SLC7A14: variants seen among roughly 807,000 people sequenced by gnomAD.
SLC7A14 encodes gamma-aminobutyric acid transporter SLC7A14.
Under a neutral mutation model 60.2 loss-of-function variants are expected in SLC7A14, and 37 were observed. That is an observed-to-expected ratio of 0.61 (90% CI 0.47 to 0.81). The LOEUF (loss-of-function observed/expected upper bound fraction) is 0.81, where lower values mean the gene tolerates loss of function less well. Ranked by LOEUF, SLC7A14 falls within the 30% of genes least tolerant of loss-of-function variation. The pLI is 0.00. For synonymous variants in SLC7A14, 399 were observed against 395.8 expected, an observed-to-expected ratio of 1.01 and a Z score of -0.10; for missense variants, 886 against 982.7, an observed-to-expected ratio of 0.90 and a Z score of 1.32.
Position 170,498,749 on chromosome 3 carries a change from A to G in SLC7A14, c.677T>C (p.Val226Ala). The change falls in exon 4 of 8, where the codon GTG becomes GCG. Residue 226 changes from valine to alanine, a missense_variant. Transcript: ENST00000231706. Reference protein sequence around the residue: ...VLNVLNLAVWVFIMIAGLFFI... With the variant: ...VLNVLNLAVWAFIMIAGLFFI... ...GAAGAGGCCTGCGATCATGATGAAC[A>G]CCCATACTGCCAGGTTCAGCACATT... is the stretch of plus-strand genomic sequence containing the variant. The G allele has an allele frequency of 6.2e-7, 1 of 1,614,070 alleles. No individual in the cohort carries two copies. Among genetic ancestry groups the G allele is most frequent in the Non-Finnish European group, 8.5e-7 (1 of 1,180,016 alleles).
intron 1 of SLC7A14, among the ~76,000 whole-genome samples, chr3:170,573,507 A>G (rs1266714723): frequency 6.6e-6 from 1 of 152,222 alleles, no homozygotes; most frequent in East Asian, 1.9e-4. Context: ...TAGGCCCAGG[A>G]GTTCAAAGAT....
chr3:170,560,751 G>A (rs1339944832), intron 1 of SLC7A14, among the ~76,000 whole-genome samples: 1 of 152,160 alleles, frequency 6.6e-6, no homozygotes, highest in Non-Finnish European at 1.5e-5. Flanking sequence ...AAAATCCTGA[G>A]CATAGTTGGA....
rs1353639381 is a variant in SLC7A14 at position 170,572,646 on chromosome 3, C to T, written c.-153+13265G>A. Among the ~76,000 whole-genome samples, 11 of 152,132 alleles carry T rather than the reference C, an allele frequency of 7.2e-5. 1 individual carries two copies. Among genetic ancestry groups the T allele is most frequent in the Admixed American group, 7.2e-4 (11 of 15,272 alleles). On this transcript the variant is annotated intron_variant, in intron 1 of 7. Coordinates refer to ENST00000231706, the MANE Select transcript of SLC7A14 (RefSeq NM_020949.3). The stretch of plus-strand genomic sequence containing the variant: ...TAGACTTGGGGGCAGAAAGGAAGAA[C>T]AGAGGCTATTCACTAAGAGTATTGA...
chr3:170,569,055 G>A (rs1407083832), intron 1 of SLC7A14, among the ~76,000 whole-genome samples: 1 of 152,060 alleles, frequency 6.6e-6, no homozygotes, highest in Non-Finnish European at 1.5e-5. Flanking sequence ...ATGTTGAATA[G>A]GAGTGGTGAG....
rs1360951317 is a variant in SLC7A14, at chr3:170,535,880, A to G, written c.-152-8792T>C. Among the ~76,000 whole-genome samples the G allele has an allele frequency of 6.6e-6, 1 of 152,146 alleles. No individual in the cohort carries two copies. The highest frequency in any genetic ancestry group is 1.5e-5 in the Non-Finnish European group (1 of 68,032). On this transcript the variant is annotated intron_variant, in intron 1 of 7. Transcript: ENST00000231706. The surrounding 1 kb of genome is among the most constrained non-coding windows in gnomAD (Gnocchi z 4.3). ...CTCTGCCCACTGCCCTCATCTTTAT[A>G]TATATTAACAGTTCTTTTCACTAAC...
At chr3:170,488,252 C>G (rs1712099473) in intron 4 of SLC7A14, among the ~76,000 whole-genome samples, 1 of 152,122 alleles carries the variant, frequency 6.6e-6, no homozygotes, top group South Asian at 2.1e-4. Context: ...TCTAATAAGT[C>G]AGGTAGAAAG....
At chr3:170,487,769 G>A (rs1029051007) in intron 4 of SLC7A14, among the ~76,000 whole-genome samples, 2 of 152,116 alleles carry the variant, frequency 1.3e-5, no homozygotes, top group Non-Finnish European at 2.9e-5. Context: ...TTATCCTGGA[G>A]GCCATGGAAT....
intron 4 of SLC7A14, among the ~76,000 whole-genome samples, chr3:170,487,085 G>A (rs1712059010): frequency 6.9e-6 from 1 of 145,950 alleles, no homozygotes; most frequent in African/African-American, 2.5e-5. Context: ...TTTATTTGTT[G>A]CTCCTTTTGG....
At chr3:170,471,115 G>GTGTGTGTGTGTGTGTGTA (rs1360589938) in intron 7 of SLC7A14, among the ~76,000 whole-genome samples, 5 of 151,636 alleles carry the variant, frequency 3.3e-5, no homozygotes, top group Admixed American at 2.0e-4. Context: ...GTGTGTGTGT[G>GTGTGTGTGTGTGTGTGTA]TGTGTGAGTG....
At chr3:170,484,918 G>A (rs1281419274) in intron 5 of SLC7A14, among the ~76,000 whole-genome samples, 1 of 152,168 alleles carries the variant, frequency 6.6e-6, no homozygotes, top group Non-Finnish European at 1.5e-5. Context: ...ATCAGGATGG[G>A]TAAAAAGTTG....
At chr3:170,584,150 C>A (rs148696390) in intron 1 of SLC7A14, among the ~76,000 whole-genome samples, 266 of 152,326 alleles carry the variant, frequency 1.7e-3, no homozygotes, top group African/African-American at 6.1e-3. Context: ...GTGTTCAGTA[C>A]AAATAGGCCT....
At chr3:170,514,752 C>A (rs1713097367) in intron 2 of SLC7A14, among the ~76,000 whole-genome samples, 1 of 152,176 alleles carries the variant, frequency 6.6e-6, no homozygotes, top group Non-Finnish European at 1.5e-5. Flanking sequence ...AGCATTGGAA[C>A]CAGGACTACT....
chr3:170,532,236 A>G lies in SLC7A14; in HGVS notation c.-152-5148T>C, dbSNP rs923458683. On this transcript the variant is annotated intron_variant, in intron 1 of 7. Coordinates refer to ENST00000231706, the MANE Select transcript of SLC7A14 (RefSeq NM_020949.3). This position sits in a 1 kb window ranked among gnomAD's most constrained non-coding sequence, Gnocchi z 4.0. ...CAAGATTCTTTTAATTGATGTCCCC[A>G]GGAAAAATGAGGCTGCAGTTAGAGT... is the stretch of plus-strand genomic sequence containing the variant. 1.3e-5 allele frequency among the ~76,000 whole-genome samples: 2 copies of G among 151,688 alleles called. No homozygotes were observed. The highest frequency in any genetic ancestry group is 2.9e-5 in the Non-Finnish European group (2 of 68,028).
chr3:170,484,347 G>A (rs1711947486), intron 5 of SLC7A14, among the ~76,000 whole-genome samples: 1 of 152,182 alleles, frequency 6.6e-6, no homozygotes, highest in South Asian at 2.1e-4. Flanking sequence ...CCTACGGGGA[G>A]AAATCAGGGT....
At position 170,465,069 on chromosome 3, in the gene SLC7A14, G is replaced by A. The variant is rs950137492; in HGVS notation, c.*1986C>T. ...ACTGTATCTTTATGGTTAACTCTAG[G>A]GAAGAGAAAACATAGCATTGTCAAG... On this transcript the variant is annotated 3_prime_UTR_variant, in exon 8 of 8. Transcript: ENST00000231706. 1.1e-4 allele frequency: 17 copies of A among 152,002 alleles called. No homozygotes were observed. Among genetic ancestry groups the A allele is most frequent in the African/African-American group, 4.1e-4 (17 of 41,364 alleles). 9.4% of individuals were successfully genotyped at this position (152,002 alleles called of 1,614,324 possible).
At chr3:170,469,212 A>C (rs376229154) in intron 7 of SLC7A14, among the ~76,000 whole-genome samples, 3 of 152,178 alleles carry the variant, frequency 2.0e-5, no homozygotes, top group African/African-American at 7.2e-5. Flanking sequence ...TAGAACCGCA[A>C]GTCAAGCCTG....
chr3:170,572,060 C>CAAAAAAAAAAAAAA (rs765897392), intron 1 of SLC7A14, among the ~76,000 whole-genome samples: 1 of 80,692 alleles, frequency 1.2e-5, no homozygotes, highest in Non-Finnish European at 2.5e-5. Context: ...GACTCTGTCT[C>CAAAAAAAAAAAAAA]AAAAAAAAAA....
intron 1 of SLC7A14, among the ~76,000 whole-genome samples, chr3:170,558,879 G>T (rs1433285546): frequency 6.6e-6 from 1 of 152,112 alleles, no homozygotes; most frequent in Non-Finnish European, 1.5e-5. Flanking sequence ...CAGAAGAGGT[G>T]GTCATTCCTT....
At position 170,461,975 on chromosome 3, in the gene SLC7A14, C is replaced by T. The variant is rs1739614166; in HGVS notation, c.*5080G>A. 1 of 152,454 alleles carries T rather than the reference C, an allele frequency of 6.6e-6. No individual in the cohort carries two copies. The highest frequency in any genetic ancestry group is 2.4e-5 in the African/African-American group (1 of 41,424). The allele number at this position is 152,454 out of a possible 1,614,324, so 9.4% of individuals were successfully genotyped here. ...TCCCTCCATTGGAAGTTAGGGACAC[C>T]TCTGCACTACTCACTGACCTGAGGT... On this transcript the variant is annotated 3_prime_UTR_variant, in exon 8 of 8. Coordinates refer to ENST00000231706, the MANE Select transcript of SLC7A14 (RefSeq NM_020949.3).
Sources: gnomAD v4.1 joint callset for allele counts (sites outside exome capture counted in the v4.1 genomes callset) on GRCh38, gnomAD v4.1.1 for gene constraint, Gnocchi (gnomAD v3.1) non-coding constraint, MANE v1.5 for transcripts, NCBI Gene and HGNC (gene_info 2026-07-23, HGNC 2026-07-21) for gene names.